DEFB121: variants seen among roughly 807,000 people sequenced by gnomAD.
The protein encoded by DEFB121 is defensin beta 121, also known as beta-defensin 121.
Under a neutral mutation model 2.5 loss-of-function variants are expected in DEFB121, and 5 were observed. That is an observed-to-expected ratio of 1.96 (90% CI 1.03 to 4.13). DEFB121 has a LOEUF of 4.13. Ranked by LOEUF, DEFB121 falls within the 30% of genes most tolerant of loss-of-function variation. The pLI, the probability that DEFB121 is intolerant of heterozygous loss-of-function variation, is 0.00. For synonymous variants in DEFB121, 39 were observed against 32.6 expected, an observed-to-expected ratio of 1.20 and a Z score of -0.67; for missense variants, 87 against 85.0, an observed-to-expected ratio of 1.02 and a Z score of -0.09.
upstream of DEFB121, among the ~76,000 whole-genome samples, chr20:31,410,742 C>T (rs745824889): frequency 4.6e-5 from 7 of 151,510 alleles, no homozygotes; most frequent in Admixed American, 1.3e-4. Context: ...TTCAAGCAAA[C>T]GGCACAACTT....
chr20:31,406,998 A>G (rs1568739092), upstream of DEFB121, among the ~76,000 whole-genome samples: 1 of 152,152 alleles, frequency 6.6e-6, no homozygotes, highest in Non-Finnish European at 1.5e-5. Context: ...AGATTGCCCC[A>G]GCAACTTGGG....
intron 1 of DEFB121, among the ~76,000 whole-genome samples, chr20:31,412,461 T>C (rs1978690409): frequency 6.6e-6 from 1 of 152,202 alleles, no homozygotes; most frequent in African/African-American, 2.4e-5. Context: ...CTCTCTGAAC[T>C]TCAGTTTAAT....
exon 1 of DEFB121, chr20:31,412,647 GC>G: frequency 7.7e-7 from 1 of 1,290,884 alleles, no homozygotes; most frequent in Non-Finnish European, 1.0e-6. Context: ...GAAACATTTG[GC>G]TATTGACCTC....
intron 1 of DEFB121, among the ~76,000 whole-genome samples, chr20:31,405,433 A>G (rs1190400236): frequency 6.6e-6 from 1 of 152,170 alleles, no homozygotes; most frequent in Non-Finnish European, 1.5e-5. Context: ...CCCAGTAGCA[A>G]TTAGCCACCT....
At chr20:31,408,366 C>T (rs1450631937), upstream of DEFB121, among the ~76,000 whole-genome samples, 1 of 152,052 alleles carries the variant, frequency 6.6e-6, no homozygotes, top group Non-Finnish European at 1.5e-5. Context: ...GCAGGAAAAT[C>T]ATTTGAGCCC....
intron 1 of DEFB121, among the ~76,000 whole-genome samples, chr20:31,405,529 T>A (rs1739133971): frequency 6.6e-6 from 1 of 152,186 alleles, no homozygotes; most frequent in Non-Finnish European, 1.5e-5. Flanking sequence ...CATCTGTAAG[T>A]CTTCTAGGGC....
chr20:31,417,111 C>T (rs994573943), upstream of DEFB121, among the ~76,000 whole-genome samples: 1 of 152,078 alleles, frequency 6.6e-6, no homozygotes, highest in Non-Finnish European at 1.5e-5. Context: ...TTTGGGAGGC[C>T]GAAGCAGGCA....
upstream of DEFB121, among the ~76,000 whole-genome samples, chr20:31,416,935 C>G (rs113754691): frequency 1.3e-5 from 2 of 152,232 alleles, no homozygotes; most frequent in African/African-American, 2.4e-5. Context: ...CTCTGTTTAT[C>G]TGAGTCCTCT....
the DEFB121 span, among the ~76,000 whole-genome samples, chr20:31,418,294 A>T: frequency 6.6e-6 from 1 of 151,272 alleles, no homozygotes; most frequent in Non-Finnish European, 1.5e-5. Flanking sequence ...AAAAAAGGGA[A>T]AAAAGAAATT....
chr20:31,406,830 T>C (rs1978496410), upstream of DEFB121, among the ~76,000 whole-genome samples: 1 of 152,154 alleles, frequency 6.6e-6, no homozygotes, highest in Non-Finnish European at 1.5e-5. Flanking sequence ...GAGACAGTCT[T>C]GTTCTGTCAC....
At chr20:31,415,015 C>T (rs1376864920), upstream of DEFB121, among the ~76,000 whole-genome samples, 2 of 152,076 alleles carry the variant, frequency 1.3e-5, no homozygotes, top group Admixed American at 1.3e-4. Flanking sequence ...TGCAGTGAGC[C>T]GTGCTTGTGC....
chr20:31,408,915 A>G (rs912089364), upstream of DEFB121, among the ~76,000 whole-genome samples: 16 of 151,966 alleles, frequency 1.1e-4, no homozygotes, highest in African/African-American at 3.6e-4. Context: ...AACCCCAGCT[A>G]CTCGGGAGGT....
chr20:31,412,460 C>T lies in DEFB121; in HGVS notation n.217+162G>A, dbSNP rs142715076. Among the ~76,000 whole-genome samples the T allele has an allele frequency of 6.6e-5, 10 of 152,308 alleles. No individual in the cohort carries two copies. The East Asian group carries it at 1.4e-3, about 21-fold the overall frequency. ...GAACAAGTTAGTTAATCTCTCTGAA[C>T]TTCAGTTTAATTATCTCTAATATGG... On this transcript the variant is annotated intron_variant and non_coding_transcript_variant, in intron 1 of 1. Transcript: ENST00000376312.
At chr20:31,416,888 A>G (rs918916038), upstream of DEFB121, among the ~76,000 whole-genome samples, 2 of 152,156 alleles carry the variant, frequency 1.3e-5, no homozygotes, top group African/African-American at 4.8e-5. Context: ...AAAGTAGAAC[A>G]GTATATTCTC....
upstream of DEFB121, among the ~76,000 whole-genome samples, chr20:31,414,917 G>A (rs1978762953): frequency 6.6e-6 from 1 of 152,114 alleles, no homozygotes; most frequent in Admixed American, 6.5e-5. Flanking sequence ...GGGCATGGTG[G>A]CATGCACCTA....
upstream of DEFB121, among the ~76,000 whole-genome samples, chr20:31,413,268 T>A (rs1355289173): frequency 6.6e-6 from 1 of 152,248 alleles, no homozygotes; most frequent in African/African-American, 2.4e-5. Flanking sequence ...GGGAAACAAG[T>A]ATTTTTAAAT....
At chr20:31,418,273 A>G in the DEFB121 span, among the ~76,000 whole-genome samples, 3 of 149,038 alleles carry the variant, frequency 2.0e-5, no homozygotes, top group Non-Finnish European at 4.5e-5. Flanking sequence ...AAAAAAAAAA[A>G]AAAAAAAAAG....
chr20:31,414,271 GAGGAAAGGA>G (rs1032527469), upstream of DEFB121, among the ~76,000 whole-genome samples: 8 of 151,830 alleles, frequency 5.3e-5, no homozygotes, highest in East Asian at 1.4e-3. Flanking sequence ...AGGGGAAGGG[GAGGAAAGGA>G]AGGAAAGGAA....
At chr20:31,410,022 G>A (rs1978613155), upstream of DEFB121, among the ~76,000 whole-genome samples, 2 of 152,010 alleles carry the variant, frequency 1.3e-5, no homozygotes, top group Admixed American at 6.6e-5. Context: ...TACACATTAT[G>A]TTTTATATAA....
Sources: gnomAD v4.1 joint callset for allele counts (sites outside exome capture counted in the v4.1 genomes callset) on GRCh38, gnomAD v4.1.1 for gene constraint, MANE v1.5 for transcripts, NCBI Gene and HGNC (gene_info 2026-07-23, HGNC 2026-07-21) for gene names.